The following EIF4E variants were observed in gnomAD, a reference collection of about 807,000 sequenced individuals.
EIF4E encodes eukaryotic translation initiation factor 4E, also known as eIF-4F 25 kDa subunit.
For missense variants in EIF4E, 113 were observed against 265.6 expected (o/e 0.43, Z 3.99); for synonymous variants, 71 against 88.5 (o/e 0.80, Z 1.11).
At chr4:98,918,361 A>G (rs76695634) in intron 1 of EIF4E, among the ~76,000 whole-genome samples, 45 of 133,662 alleles carry the variant, frequency 3.4e-4, no homozygotes, top group Middle Eastern at 3.9e-3. Flanking sequence ...TCCGTCTTGG[A>G]AAAAAAAAAA....
At chr4:98,889,858 G>T (rs1442904001) in intron 3 of EIF4E, among the ~76,000 whole-genome samples, 1 of 152,070 alleles carries the variant, frequency 6.6e-6, no homozygotes, top group Non-Finnish European at 1.5e-5. Flanking sequence ...CAGAAGACTG[G>T]AGTTATTTAA....
intron 2 of EIF4E, among the ~76,000 whole-genome samples, chr4:98,898,374 C>A (rs865822817): frequency 6.6e-5 from 10 of 151,946 alleles, no homozygotes; most frequent in African/African-American, 1.9e-4. Context: ...TTTGCGAGGC[C>A]GAGGTGGGTG....
At chr4:98,905,219 T>C (rs1373381989) in intron 1 of EIF4E, among the ~76,000 whole-genome samples, 1 of 146,510 alleles carries the variant, frequency 6.8e-6, no homozygotes, top group African/African-American at 2.7e-5. Flanking sequence ...TCTCAGGTTC[T>C]ATCAGGGAAT....
At chr4:98,923,514 T>C (rs1057020230) in intron 1 of EIF4E, among the ~76,000 whole-genome samples, 1 of 152,164 alleles carries the variant, frequency 6.6e-6, no homozygotes, top group Non-Finnish European at 1.5e-5. Flanking sequence ...GGTCTCGCCA[T>C]GTTGGCCAGG....
At chr4:98,919,853 C>T (rs1039670480) in intron 1 of EIF4E, among the ~76,000 whole-genome samples, 8 of 152,136 alleles carry the variant, frequency 5.3e-5, no homozygotes, top group Non-Finnish European at 8.8e-5. Context: ...GCCACCATGC[C>T]CGGCCAGAAT....
chr4:98,917,114 ACACACACACACACACACAC>A (rs1725413994), intron 1 of EIF4E, among the ~76,000 whole-genome samples: 2 of 79,194 alleles, frequency 2.5e-5, no homozygotes, highest in Admixed American at 1.2e-4. Context: ...ACACACACAC[ACACACACACACACACACAC>A]AAAAAAAACC....
intron 1 of EIF4E, among the ~76,000 whole-genome samples, chr4:98,913,606 T>G (rs899017010): frequency 7.9e-5 from 12 of 152,146 alleles, no homozygotes; most frequent in Non-Finnish European, 1.6e-4. Flanking sequence ...ACACCTGCCT[T>G]TTTATGTACC....
At chr4:98,893,086 A>G (rs1724226679) in intron 2 of EIF4E, among the ~76,000 whole-genome samples, 1 of 152,242 alleles carries the variant, frequency 6.6e-6, no homozygotes, top group African/African-American at 2.4e-5. Flanking sequence ...TTCCCGGTGC[A>G]TGTAAAAGTT....
chr4:98,924,081 A>G (rs9996014), intron 1 of EIF4E, among the ~76,000 whole-genome samples: 2 of 146,028 alleles, frequency 1.4e-5, no homozygotes, highest in African/African-American at 5.0e-5. Context: ...TCTTTTGTTT[A>G]TTTTTTTTTT....
chr4:98,921,396 G>C (rs1023011404), intron 1 of EIF4E, among the ~76,000 whole-genome samples: 1 of 151,244 alleles, frequency 6.6e-6, no homozygotes, highest in African/African-American at 2.4e-5. Context: ...TCTGTGCTCT[G>C]CTCATTACAA....
intron 1 of EIF4E, among the ~76,000 whole-genome samples, chr4:98,923,910 T>C (rs1725760848): frequency 6.6e-6 from 1 of 152,188 alleles, no homozygotes; most frequent in Non-Finnish European, 1.5e-5. Flanking sequence ...GAAATCACCG[T>C]AATATATCTT....
intron 1 of EIF4E, among the ~76,000 whole-genome samples, chr4:98,926,820 C>G (rs1725889078): frequency 6.6e-6 from 1 of 152,218 alleles, no homozygotes; most frequent in African/African-American, 2.4e-5. Context: ...GTACAACACC[C>G]TGGATATATC....
At chr4:98,882,532 GT>G (rs201608043) in intron 6 of EIF4E, among the ~76,000 whole-genome samples, 3,654 of 151,634 alleles carry the variant, frequency 0.024, 121 homozygotes, top group African/African-American at 0.081. Context: ...ACTAGGATAG[GT>G]TTTTTTTATA....
At position 98,881,028 on chromosome 4, in the gene EIF4E, T is replaced by C. The variant is rs763230565; in HGVS notation, c.654A>G (p.Ter218=). The C allele has an allele frequency of 1.2e-6, 2 of 1,609,252 alleles. No individual in the cohort carries two copies. Among genetic ancestry groups the C allele is most frequent in the Non-Finnish European group, 1.7e-6 (2 of 1,178,386 alleles). The change falls in exon 7 of 7, where the codon TAA becomes TAG. Residue 218 remains the stop codon, a stop_retained_variant. Coordinates refer to ENST00000450253, the MANE Select transcript of EIF4E (RefSeq NM_001968.5). ...GSTTKNRFVV[*] Reference sequence around the variant, plus strand: ...ATGAGAATACTCAGAAGGTGTCTTCTTAAACAACAAACCTATTTTTAGTGG... The same window carrying C: ...ATGAGAATACTCAGAAGGTGTCTTCCTAAACAACAAACCTATTTTTAGTGG...
chr4:98,914,361 CAAAAAAAAAAAAAAAA>C (rs1159581783), intron 1 of EIF4E, among the ~76,000 whole-genome samples: 1 of 34,830 alleles, frequency 2.9e-5, no homozygotes. Context: ...GACTCCGTCT[CAAAAAAAAAAAAAAAA>C]AAAAAAAAAA....
intron 2 of EIF4E, among the ~76,000 whole-genome samples, chr4:98,898,162 A>G (rs1487500087): frequency 6.6e-6 from 1 of 152,232 alleles, no homozygotes; most frequent in Non-Finnish European, 1.5e-5. Flanking sequence ...GAGCATATCA[A>G]CAATTATTTT....
rs145658682 is a variant in EIF4E at position 98,887,733 on chromosome 4, A to G, written c.285+156T>C. Among the ~76,000 whole-genome samples, 6 of 152,320 alleles carry G rather than the reference A, an allele frequency of 3.9e-5. No homozygotes were observed. Among genetic ancestry groups the G allele is most frequent in the Non-Finnish European group, 8.8e-5 (6 of 68,026 alleles). On this transcript the variant is annotated intron_variant, in intron 4 of 6. Transcript: ENST00000450253. This position sits in a 1 kb window ranked among gnomAD's most constrained non-coding sequence, Gnocchi z 4.0. ...CTCTCAATTTTTATAAACAAATAGA[A>G]TAAGATATATTGATACTAAAGCATA... is the stretch of plus-strand genomic sequence containing the variant.
At chr4:98,919,558 CTTTTTTTTTTT>C (rs532537834) in intron 1 of EIF4E, among the ~76,000 whole-genome samples, 1 of 131,890 alleles carries the variant, frequency 7.6e-6, no homozygotes. Flanking sequence ...GATTCTTTTT[CTTTTTTTTTTT>C]TTTTTTTGAG....
chr4:98,903,308 C>T (rs1388120813), intron 1 of EIF4E: 1 of 405,032 alleles, frequency 2.5e-6, no homozygotes, highest in East Asian at 7.1e-5. Context: ...TATTTATTGT[C>T]TAAAAGAATG....
Sources: allele counts gnomAD v4.1 joint callset (sites outside exome capture counted in the v4.1 genomes callset), GRCh38; gene constraint gnomAD v4.1.1; non-coding constraint Gnocchi (gnomAD v3.1); transcripts MANE v1.5; gene names NCBI Gene and HGNC (gene_info 2026-07-23, HGNC 2026-07-21).